Variants in TEX9 observed in about 807,000 individuals in gnomAD.
The protein encoded by TEX9 is testis-expressed protein 9.
TEX9 carries 74 observed loss-of-function variants against 59.6 expected under a neutral mutation model. The ratio of observed to expected loss-of-function variants is 1.24; its 90% CI spans 1.03 to 1.51. The LOEUF is 1.51. Ranked by LOEUF, TEX9 falls within the 40% of genes most tolerant of loss-of-function variation. The pLI, the probability that TEX9 is intolerant of heterozygous loss-of-function variation, is 0.00. For missense variants in TEX9, 522 were observed against 447.8 expected (o/e 1.17, Z -1.49); for synonymous variants, 186 against 152.2 (o/e 1.22, Z -1.64).
At chr15:56,347,032 T>C (rs1229620588) in intron 1 of TEX9, among the ~76,000 whole-genome samples, 2 of 152,212 alleles carry the variant, frequency 1.3e-5, no homozygotes, top group Admixed American at 6.5e-5. Context: ...CAAATATGCG[T>C]AGGACTTGTA....
intron 9 of TEX9, among the ~76,000 whole-genome samples, chr15:56,402,045 GACACCCTA>G (rs1419977331): frequency 6.6e-6 from 1 of 152,096 alleles, no homozygotes; most frequent in Non-Finnish European, 1.5e-5. Flanking sequence ...ATCTAAAATT[GACACCCTA>G]ACATCACAAT....
intron 10 of TEX9, among the ~76,000 whole-genome samples, chr15:56,421,332 G>A (rs1322606015): frequency 6.6e-6 from 1 of 151,754 alleles, no homozygotes; most frequent in East Asian, 1.9e-4. Context: ...TTCTGATACA[G>A]GTTGAGTATC....
rs568486568 is a variant in TEX9 at position 56,263,527 on chromosome 15, T to C, written c.-107+19249T>C. 2.6e-5 allele frequency among the ~76,000 whole-genome samples: 4 copies of C among 152,344 alleles called. No individual in the cohort carries two copies. The East Asian group carries it at 5.8e-4, about 22-fold the overall frequency. On this transcript the variant is annotated intron_variant, in intron 1 of 5. Coordinates refer to the TEX9 transcript ENST00000560827. Reference sequence around the variant, plus strand: ...ATATTTTTATTTGATGTTTCTTTCTTTATTCGTTGTTCTTTAATTCAGGTT... The same window carrying C: ...ATATTTTTATTTGATGTTTCTTTCTCTATTCGTTGTTCTTTAATTCAGGTT...
intron 12 of TEX9, among the ~76,000 whole-genome samples, chr15:56,438,560 A>T (rs1012928658): frequency 7.2e-5 from 11 of 152,116 alleles, no homozygotes; most frequent in African/African-American, 2.2e-4. Flanking sequence ...AACCTAGGCA[A>T]TACCATTCAG....
At chr15:56,262,834 C>T (rs1379373376) in intron 1 of TEX9, among the ~76,000 whole-genome samples, 1 of 152,050 alleles carries the variant, frequency 6.6e-6, no homozygotes, top group Non-Finnish European at 1.5e-5. Context: ...TGAATTGATC[C>T]CTCGATCTTT....
chr15:56,383,051 CA>C (rs1160159649), intron 3 of TEX9, among the ~76,000 whole-genome samples: 3 of 152,226 alleles, frequency 2.0e-5, no homozygotes, highest in Non-Finnish European at 4.4e-5. Context: ...GACTTGCTGA[CA>C]AACTGGAGTT....
intron 1 of TEX9, among the ~76,000 whole-genome samples, chr15:56,272,848 A>G (rs907417503): frequency 6.6e-6 from 1 of 152,044 alleles, no homozygotes; most frequent in African/African-American, 2.4e-5. Context: ...GTTGTCTGCT[A>G]TTTATGTAAT....
chr15:56,438,331 T>G (rs1463110281), intron 12 of TEX9, among the ~76,000 whole-genome samples: 1 of 151,604 alleles, frequency 6.6e-6, no homozygotes, highest in Admixed American at 6.6e-5. Flanking sequence ...AACCATCTGC[T>G]CTTTTTTTTT....
intron 10 of TEX9, 143 bp downstream of exon 10, chr15:56,412,579 G>A (rs1183647103): frequency 3.3e-6 from 3 of 917,332 alleles, no homozygotes; most frequent in East Asian, 5.6e-5. Context: ...TTCATTAGCA[G>A]TATACACATT....
chr15:56,410,290 C>T (rs1466216262), intron 9 of TEX9: 1 of 152,042 alleles, frequency 6.6e-6, no homozygotes, highest in Non-Finnish European at 1.5e-5. Flanking sequence ...TCGTGTTATT[C>T]CCAGAGCATT....
the TEX9 span, among the ~76,000 whole-genome samples, chr15:56,459,426 A>G: frequency 2.0e-5 from 3 of 152,166 alleles, no homozygotes; most frequent in African/African-American, 7.2e-5. Context: ...ACACTCGTGT[A>G]TGAGTTTTTA....
At chr15:56,265,928 G>C (rs1343934993) in intron 1 of TEX9, among the ~76,000 whole-genome samples, 1 of 152,078 alleles carries the variant, frequency 6.6e-6, no homozygotes, top group Non-Finnish European at 1.5e-5. Context: ...AGTGAGAAAA[G>C]TGTTGATTCA....
At chr15:56,264,965 G>T (rs1197752456) in intron 1 of TEX9, among the ~76,000 whole-genome samples, 1 of 152,118 alleles carries the variant, frequency 6.6e-6, no homozygotes, top group Non-Finnish European at 1.5e-5. Flanking sequence ...GTTTATGTCT[G>T]TCCTTTCACC....
At chr15:56,356,889 C>A (rs933895609) in intron 1 of TEX9, among the ~76,000 whole-genome samples, 1 of 151,956 alleles carries the variant, frequency 6.6e-6, no homozygotes, top group African/African-American at 2.4e-5. Context: ...AAATAAATGT[C>A]AAATGGTGCC....
chr15:56,387,734 T>C (rs565749848), intron 4 of TEX9, among the ~76,000 whole-genome samples: 1 of 151,968 alleles, frequency 6.6e-6, no homozygotes, highest in Non-Finnish European at 1.5e-5. Flanking sequence ...TAGCAAATAT[T>C]TTTAGATTTG....
chr15:56,453,363 G>T, the TEX9 span, among the ~76,000 whole-genome samples: 1 of 151,928 alleles, frequency 6.6e-6, no homozygotes, highest in Admixed American at 6.6e-5. Context: ...AGGATTATTG[G>T]TGATCAATCT....
chr15:56,274,750 G>A (rs534106966), intron 1 of TEX9: 4 of 151,720 alleles, frequency 2.6e-5, no homozygotes, highest in African/African-American at 9.7e-5. Flanking sequence ...TACCATTATT[G>A]TGTATGTGGG....
At chr15:56,254,863 C>G (rs1596044603) in intron 1 of TEX9, among the ~76,000 whole-genome samples, 1 of 151,248 alleles carries the variant, frequency 6.6e-6, no homozygotes, top group Non-Finnish European at 1.5e-5. Flanking sequence ...GAAAATGAAA[C>G]AATGATCCCA....
At position 56,309,693 on chromosome 15, in the gene TEX9, G is replaced by GTTTT. The variant is rs60648387; in HGVS notation, c.-106-63720_-106-63717dup. On this transcript the variant is annotated intron_variant, in intron 1 of 5. Coordinates refer to the TEX9 transcript ENST00000560827. ...TCTGGGCCTGGGATTTTTATGGGAAGTTTTTTTTTTTTTTTTTTTTTTTTT... is the reference window on the plus strand; with the variant it reads ...TCTGGGCCTGGGATTTTTATGGGAAGTTTTTTTTTTTTTTTTTTTTTTTTTTTTT... Among the ~76,000 whole-genome samples the GTTTT allele has an allele frequency of 5.3e-3, 321 of 60,770 alleles. 34 individuals carry two copies. The highest frequency in any genetic ancestry group is 0.043 in the East Asian group (65 of 1,520). 39.9% of individuals were successfully genotyped at this position (60,770 alleles called of 152,430 possible).
Sources: allele counts gnomAD v4.1 joint callset (sites outside exome capture counted in the v4.1 genomes callset), GRCh38; gene constraint gnomAD v4.1.1; transcripts MANE v1.5; gene names NCBI Gene and HGNC (gene_info 2026-07-23, HGNC 2026-07-21).